The following TSPAN11 variants were observed in gnomAD, a reference collection of about 807,000 sequenced individuals.
TSPAN11 encodes the protein tetraspanin-11.
A neutral mutation model predicts 32.9 loss-of-function variants in TSPAN11; 29 were observed. The observed-to-expected ratio is 0.88, with a 90% CI of 0.66 to 1.20. TSPAN11 has a LOEUF of 1.20. TSPAN11 is among the 50% of genes most tolerant of loss of function. The pLI is 0.00. For missense variants in TSPAN11, 283 were observed against 329.1 expected (o/e 0.86, Z 1.08); for synonymous variants, 140 against 141.3 (o/e 0.99, Z 0.07).
At chr12:31,002,204 C>T in the TSPAN11 span, among the ~76,000 whole-genome samples, 4 of 152,244 alleles carry the variant, frequency 2.6e-5, no homozygotes, top group African/African-American at 4.8e-5. This position sits in a 1 kb window ranked among gnomAD's most constrained non-coding sequence, Gnocchi z 4.8. Flanking sequence ...GGCTTTGGGA[C>T]ATGGCGGCTG....
At chr12:30,943,980 A>G (rs1294508592) in intron 1 of TSPAN11, among the ~76,000 whole-genome samples, 2 of 152,222 alleles carry the variant, frequency 1.3e-5, no homozygotes, top group East Asian at 3.8e-4. Context: ...TTGGCCATCA[A>G]GCAGGCATGA....
the TSPAN11 span, among the ~76,000 whole-genome samples, chr12:31,006,314 T>C: frequency 6.6e-6 from 1 of 152,226 alleles, no homozygotes; most frequent in Non-Finnish European, 1.5e-5. Context: ...GGTCCAGGCC[T>C]GATCAGTGCC....
chr12:30,929,998 G>A (rs1232248563), intron 1 of TSPAN11, among the ~76,000 whole-genome samples: 4 of 152,224 alleles, frequency 2.6e-5, no homozygotes, highest in Non-Finnish European at 5.9e-5. Context: ...GTTCTGTTTG[G>A]TTGGTTTAGG....
chr12:30,961,546 T>C (rs981471405), intron 2 of TSPAN11, among the ~76,000 whole-genome samples: 7 of 151,974 alleles, frequency 4.6e-5, no homozygotes, highest in African/African-American at 1.7e-4. Flanking sequence ...GAGAAAAGCT[T>C]GTTTTCTAAA....
chr12:30,976,658 C>T (rs7980010), intron 3 of TSPAN11, among the ~76,000 whole-genome samples: 90,004 of 152,066 alleles, frequency 0.59, 27,445 homozygotes, highest in East Asian at 0.92. Context: ...GCAGAGGGAA[C>T]ATCCCCTTGT....
the TSPAN11 span, among the ~76,000 whole-genome samples, chr12:31,011,923 G>A: frequency 6.6e-6 from 1 of 152,246 alleles, no homozygotes; most frequent in Non-Finnish European, 1.5e-5. Flanking sequence ...GATGTGGGCT[G>A]TGGGTAGGGC....
At chr12:31,007,966 A>G in the TSPAN11 span, among the ~76,000 whole-genome samples, 1 of 152,170 alleles carries the variant, frequency 6.6e-6, no homozygotes, top group Non-Finnish European at 1.5e-5. Context: ...ATGGAGAGAC[A>G]TGAAGGGGCA....
At chr12:30,990,362 G>A (rs554597617) in intron 7 of TSPAN11, among the ~76,000 whole-genome samples, 2 of 152,270 alleles carry the variant, frequency 1.3e-5, no homozygotes, top group Admixed American at 6.5e-5. Context: ...AACCTGTGCC[G>A]GTCAAACAGC....
rs183014704 is a variant in TSPAN11 at position 30,958,645 on chromosome 12, C to A, written c.84+4570C>A. 2.8e-3 allele frequency among the ~76,000 whole-genome samples: 427 copies of A among 152,298 alleles called. 1 individual carries two copies. The highest frequency in any genetic ancestry group is 9.8e-3 in the African/African-American group (407 of 41,554). The stretch of plus-strand genomic sequence containing the variant: ...TCTTGTTCAGACCTGGTCTCCCAGT[C>A]CTCTCCCTGAGCCCCCATGCTGTGT... On this transcript the variant is annotated intron_variant, in intron 2 of 7. Transcript: ENST00000546076.
Position 30,991,998 on chromosome 12 carries a change from A to C in TSPAN11, c.*83A>C. On this transcript the variant is annotated 3_prime_UTR_variant, in exon 8 of 8. Transcript: ENST00000546076. ...CTGCAAGGCCTGCAGAGTTAGCACC[A>C]GCTCCACTAGGGCCATAGATGCCCC... 1 of 1,477,776 alleles carries C rather than the reference A, an allele frequency of 6.8e-7. No individual in the cohort carries two copies. The highest frequency in any genetic ancestry group is 9.5e-7 in the Non-Finnish European group (1 of 1,057,942). The allele number at this position is 1,477,776 out of a possible 1,614,324, so 91.5% of individuals were successfully genotyped here.
chr12:30,931,717 T>A (rs935313111), intron 1 of TSPAN11, among the ~76,000 whole-genome samples: 13 of 151,564 alleles, frequency 8.6e-5, no homozygotes, highest in Non-Finnish European at 1.5e-4. Context: ...CCGTCTCTAT[T>A]AAAAATACAA....
intron 3 of TSPAN11, among the ~76,000 whole-genome samples, chr12:30,974,185 T>C (rs534347210): frequency 6.6e-6 from 1 of 152,372 alleles, no homozygotes; most frequent in East Asian, 1.9e-4. Flanking sequence ...TAACATTCCT[T>C]GGATCTTATT....
At chr12:31,002,381 C>T in the TSPAN11 span, among the ~76,000 whole-genome samples, 3 of 152,166 alleles carry the variant, frequency 2.0e-5, no homozygotes, top group African/African-American at 7.2e-5. The surrounding 1 kb of genome is among the most constrained non-coding windows in gnomAD (Gnocchi z 4.8). Context: ...GCCTCCTCTC[C>T]GGGGACATAG....
At chr12:30,978,754 C>T in intron 4 of TSPAN11, 119 bp downstream of exon 4, 1 of 941,144 alleles carries the variant, frequency 1.1e-6, no homozygotes, top group Admixed American at 1.9e-5. Context: ...TCCTGTTTCC[C>T]AGGCCCCGGC....
chr12:30,934,818 T>A (rs573628165), intron 1 of TSPAN11, among the ~76,000 whole-genome samples: 2 of 152,064 alleles, frequency 1.3e-5, no homozygotes, highest in African/African-American at 2.4e-5. Flanking sequence ...TTTCTCAGTA[T>A]ACAGATAAAG....
At chr12:31,007,943 C>T in the TSPAN11 span, among the ~76,000 whole-genome samples, 1 of 152,102 alleles carries the variant, frequency 6.6e-6, no homozygotes, top group East Asian at 1.9e-4. Context: ...CTGGATGGTG[C>T]TTCCACTTCC....
At chr12:30,938,372 A>G (rs1021674319) in intron 1 of TSPAN11, among the ~76,000 whole-genome samples, 1 of 152,160 alleles carries the variant, frequency 6.6e-6, no homozygotes, top group Non-Finnish European at 1.5e-5. Context: ...CTGTGCTGCC[A>G]AGTCCCTGGT....
the TSPAN11 span, among the ~76,000 whole-genome samples, chr12:31,015,011 A>G: frequency 6.6e-6 from 1 of 152,136 alleles, no homozygotes; most frequent in African/African-American, 2.4e-5. This position sits in a 1 kb window ranked among gnomAD's most constrained non-coding sequence, Gnocchi z 4.9. Context: ...GATGACTGCA[A>G]TTCACTCTCG....
chr12:30,986,356 A>T (rs1486714704), intron 7 of TSPAN11, among the ~76,000 whole-genome samples: 5 of 152,160 alleles, frequency 3.3e-5, no homozygotes, highest in Non-Finnish European at 7.3e-5. Context: ...TTACCTGTAA[A>T]ATGGACAGAT....
Sources: allele counts gnomAD v4.1 joint callset (sites outside exome capture counted in the v4.1 genomes callset), GRCh38; gene constraint gnomAD v4.1.1; non-coding constraint Gnocchi (gnomAD v3.1); transcripts MANE v1.5; gene names NCBI Gene and HGNC (gene_info 2026-07-23, HGNC 2026-07-21).